RALGPS2: variants seen among roughly 807,000 people sequenced by gnomAD.
RALGPS2 encodes the protein Ral GEF with PH domain and SH3 binding motif 2, also known as ras-specific guanine nucleotide-releasing factor RalGPS2.
A neutral mutation model predicts 86.8 loss-of-function variants in RALGPS2; 43 were observed. That is an observed-to-expected ratio of 0.50 (90% CI 0.39 to 0.64). The LOEUF is 0.64. Among genes scored for constraint, RALGPS2 ranks in the 30% least tolerant of loss-of-function variants. RALGPS2 has a pLI of 0.00. For synonymous variants in RALGPS2, 243 were observed against 231.3 expected, an observed-to-expected ratio of 1.05 and a Z score of -0.46; for missense variants, 536 against 694.6, an observed-to-expected ratio of 0.77 and a Z score of 2.57.
At chr1:178,894,480 A>C (rs977551291) in intron 16 of RALGPS2, among the ~76,000 whole-genome samples, 1 of 151,984 alleles carries the variant, frequency 6.6e-6, no homozygotes, top group African/African-American at 2.4e-5. Flanking sequence ...TTTTCTTTTC[A>C]CTTAAGGAAG....
intron 2 of RALGPS2, among the ~76,000 whole-genome samples, chr1:178,784,024 C>CTA (rs1469973598): frequency 6.6e-6 from 1 of 152,014 alleles, no homozygotes; most frequent in Non-Finnish European, 1.5e-5. Flanking sequence ...TGTTATAAAG[C>CTA]TAGTTTGTCT....
At chr1:178,829,825 A>G (rs112613192) in intron 7 of RALGPS2, among the ~76,000 whole-genome samples, 3,345 of 152,080 alleles carry the variant, frequency 0.022, 142 homozygotes, top group African/African-American at 0.076. Context: ...GCTCACTGCA[A>G]TCTCCACTTC....
intron 8 of RALGPS2, among the ~76,000 whole-genome samples, chr1:178,844,760 G>A (rs1187434774): frequency 6.6e-6 from 1 of 152,092 alleles, no homozygotes; most frequent in Non-Finnish European, 1.5e-5. Flanking sequence ...TTGCTGACGA[G>A]AGCAAACTAG....
At chr1:178,776,891 G>T (rs945219931) in intron 2 of RALGPS2, 70 bp downstream of exon 2, 1 of 1,248,074 alleles carries the variant, frequency 8.0e-7, no homozygotes, top group African/African-American at 1.5e-5. Context: ...CATTATGTTT[G>T]TTCACATACT....
chr1:178,862,597 A>T (rs532068741), intron 8 of RALGPS2, among the ~76,000 whole-genome samples: 9 of 55,094 alleles, frequency 1.6e-4, no homozygotes, highest in South Asian at 1.5e-3. Flanking sequence ...CATTTTTTTT[A>T]TTTATTTATT....
chr1:178,780,048 T>A (rs1410622022), intron 2 of RALGPS2, among the ~76,000 whole-genome samples: 2 of 152,170 alleles, frequency 1.3e-5, no homozygotes, highest in Admixed American at 1.3e-4. Context: ...TGTTGTTAAT[T>A]TTTGCCCACC....
Position 178,825,422 on chromosome 1 carries a change from A to T in RALGPS2, c.480+3718A>T, listed in dbSNP as rs141500278. Among the ~76,000 whole-genome samples, 48 of 152,276 alleles carry T rather than the reference A, an allele frequency of 3.2e-4. 1 individual carries two copies. In the South Asian group the frequency reaches 3.9e-3, roughly 12 times the overall value. The stretch of plus-strand genomic sequence containing the variant: ...GAGTCAAATAATCACTGGATTCAGA[A>T]TGAGAAAGGGAGTGCAAGCTGAGGG... On this transcript the variant is annotated intron_variant, in intron 7 of 19. Transcript: ENST00000367635.
chr1:178,774,640 A>G (rs1396780320), intron 1 of RALGPS2, among the ~76,000 whole-genome samples: 5 of 152,246 alleles, frequency 3.3e-5, no homozygotes, highest in African/African-American at 1.2e-4. Context: ...TACTATAAGG[A>G]TAATGAAGCT....
intron 4 of RALGPS2, among the ~76,000 whole-genome samples, chr1:178,789,451 T>G (rs1249370940): frequency 6.6e-6 from 1 of 152,062 alleles, no homozygotes; most frequent in Non-Finnish European, 1.5e-5. Flanking sequence ...GGATGAAAAA[T>G]TATTATTGTT....
intron 8 of RALGPS2, chr1:178,853,508 C>A: frequency 9.1e-7 from 1 of 1,099,376 alleles, no homozygotes; most frequent in Non-Finnish European, 1.2e-6. Flanking sequence ...AACTGTGTGT[C>A]TTATTTATTG....
intron 7 of RALGPS2, among the ~76,000 whole-genome samples, chr1:178,832,844 G>A (rs1048109959): frequency 6.7e-5 from 10 of 150,212 alleles, no homozygotes; most frequent in Non-Finnish European, 1.5e-4. Flanking sequence ...CTGCAAATCT[G>A]CCTCTCAAGT....
At chr1:178,819,683 A>G (rs545282009) in intron 6 of RALGPS2, among the ~76,000 whole-genome samples, 1 of 152,318 alleles carries the variant, frequency 6.6e-6, no homozygotes, top group South Asian at 2.1e-4. Flanking sequence ...AATTTTCATA[A>G]GATGTGTTTC....
At chr1:178,749,689 A>C (rs1046451075) in intron 1 of RALGPS2, among the ~76,000 whole-genome samples, 2 of 152,212 alleles carry the variant, frequency 1.3e-5, no homozygotes, top group Non-Finnish European at 2.9e-5. Context: ...CTGCTATTGC[A>C]GAGTTATCTA....
At chr1:178,771,214 A>G (rs571890440) in intron 1 of RALGPS2, among the ~76,000 whole-genome samples, 5 of 152,294 alleles carry the variant, frequency 3.3e-5, no homozygotes, top group South Asian at 2.1e-4. Context: ...CTATATTCCA[A>G]TTTTGTGAAT....
chr1:178,893,040 A>G (rs571749388), intron 15 of RALGPS2, among the ~76,000 whole-genome samples: 1 of 152,250 alleles, frequency 6.6e-6, no homozygotes, highest in Non-Finnish European at 1.5e-5. Context: ...CACTCTGAAG[A>G]CACCTAAATA....
At chr1:178,753,558 A>G (rs749564407) in intron 1 of RALGPS2, 12 of 152,194 alleles carry the variant, frequency 7.9e-5, no homozygotes, top group Non-Finnish European at 1.6e-4. Flanking sequence ...ATGCTAAACA[A>G]GTGATCACTA....
intron 1 of RALGPS2, chr1:178,753,871 G>T (rs1389708503): frequency 6.6e-6 from 1 of 150,532 alleles, no homozygotes; most frequent in Non-Finnish European, 1.5e-5. Context: ...TCACTCTGTC[G>T]CCCAGGCTGG....
At chr1:178,818,699 T>C (rs1316352508) in intron 6 of RALGPS2, among the ~76,000 whole-genome samples, 1 of 152,214 alleles carries the variant, frequency 6.6e-6, no homozygotes, top group Non-Finnish European at 1.5e-5. Context: ...AGATTTTACT[T>C]TAGCAAAATC....
chr1:178,767,009 A>G (rs1029521818), intron 1 of RALGPS2, among the ~76,000 whole-genome samples: 1 of 151,962 alleles, frequency 6.6e-6, no homozygotes, highest in African/African-American at 2.4e-5. Context: ...TGCTGTTAAG[A>G]TTTGTGATTG....
Sources: gnomAD v4.1 joint callset for allele counts (sites outside exome capture counted in the v4.1 genomes callset) on GRCh38, gnomAD v4.1.1 for gene constraint, MANE v1.5 for transcripts, NCBI Gene and HGNC (gene_info 2026-07-23, HGNC 2026-07-21) for gene names.